LDLRAD4: variants seen among roughly 807,000 people sequenced by gnomAD.
The protein encoded by LDLRAD4 is low-density lipoprotein receptor class A domain-containing protein 4.
LDLRAD4 carries 5 observed loss-of-function variants against 17.0 expected under a neutral mutation model. The ratio of observed to expected loss-of-function variants is 0.29; its 90% CI spans 0.15 to 0.62. The LOEUF (loss-of-function observed/expected upper bound fraction) is 0.62. Among genes scored for constraint, LDLRAD4 ranks in the 20% least tolerant of loss-of-function variants. The probability of loss-of-function intolerance (pLI) is 0.84; values close to 1 mark genes in which losing one functional copy is unlikely to be tolerated. For synonymous variants in LDLRAD4, 168 were observed against 171.8 expected (o/e 0.98, Z 0.17); for missense variants, 340 against 424.7 (o/e 0.80, Z 1.75).
chr18:13,315,782 C>CAAA (rs2080898052), intron 1 of LDLRAD4, among the ~76,000 whole-genome samples: 6 of 103,334 alleles, frequency 5.8e-5, no homozygotes, highest in African/African-American at 2.8e-4. Context: ...GAAACTCCGT[C>CAAA]TAAAAAAAAA....
intron 3 of LDLRAD4, among the ~76,000 whole-genome samples, chr18:13,532,848 G>A (rs956341360): frequency 5.3e-5 from 8 of 152,278 alleles, no homozygotes; most frequent in Middle Eastern, 3.4e-3. Flanking sequence ...CTGGCCCTGC[G>A]CCTTCCGTCC....
intron 3 of LDLRAD4, among the ~76,000 whole-genome samples, chr18:13,531,733 C>A (rs8095531): frequency 1.3e-5 from 2 of 151,820 alleles, no homozygotes; most frequent in Non-Finnish European, 2.9e-5. Flanking sequence ...CCTGATGGGC[C>A]TCCTTTAGTA....
At chr18:13,452,977 G>C (rs2091923987) in intron 3 of LDLRAD4, among the ~76,000 whole-genome samples, 1 of 150,528 alleles carries the variant, frequency 6.6e-6, no homozygotes, top group Non-Finnish European at 1.5e-5. Flanking sequence ...TGCTTTCCAA[G>C]TGCAAATGAC....
At chr18:13,387,673 C>G in exon 2 of LDLRAD4, 1 of 1,593,254 alleles carries the variant, frequency 6.3e-7, no homozygotes, top group Admixed American at 1.7e-5. Flanking sequence ...CGGCGGCTTC[C>G]TCGACGGGAC....
intron 1 of LDLRAD4, among the ~76,000 whole-genome samples, chr18:13,272,897 G>T (rs955774661): frequency 2.0e-5 from 3 of 152,184 alleles, no homozygotes; most frequent in Non-Finnish European, 4.4e-5. Flanking sequence ...TAGGAAAGAC[G>T]CACCTATGGT....
intron 2 of LDLRAD4, among the ~76,000 whole-genome samples, chr18:13,405,230 A>C (rs953853085): frequency 6.6e-6 from 1 of 152,092 alleles, no homozygotes; most frequent in Admixed American, 6.6e-5. Context: ...TTTAGTCTCC[A>C]CAGTGACTTC....
chr18:13,523,284 G>A (rs2093980805), intron 3 of LDLRAD4, among the ~76,000 whole-genome samples: 1 of 152,210 alleles, frequency 6.6e-6, no homozygotes, highest in Admixed American at 6.5e-5. Flanking sequence ...AGATTGTCCT[G>A]GGTGGGCCTG....
In LDLRAD4 at chr18:13,292,302, G is replaced by T. The variant is rs1232627980; in HGVS notation, c.-383+14114G>T. Among the ~76,000 whole-genome samples the T allele has an allele frequency of 2.0e-5, 3 of 152,180 alleles. No individual in the cohort carries two copies. The East Asian group carries it at 5.8e-4, about 29-fold the overall frequency. The stretch of plus-strand genomic sequence containing the variant: ...GGGTGGGCTGCTGGCACAATGCCTG[G>T]GCGTGCCCTGGGCATATTTGTGGCC... On this transcript the variant is annotated intron_variant, in intron 1 of 5. Coordinates refer to ENST00000359446, the Ensembl canonical transcript of LDLRAD4.
chr18:13,629,730 T>A (rs1054319868), intron 4 of LDLRAD4, among the ~76,000 whole-genome samples: 2 of 152,072 alleles, frequency 1.3e-5, no homozygotes, highest in Non-Finnish European at 2.9e-5. Flanking sequence ...GTAAAATCTG[T>A]TGGTTTATTT....
intron 3 of LDLRAD4, chr18:13,488,623 T>C (rs2093289052): frequency 6.6e-6 from 1 of 152,248 alleles, no homozygotes. Context: ...AACAGACTAG[T>C]TCTTGTTTCC....
intron 1 of LDLRAD4, among the ~76,000 whole-genome samples, chr18:13,224,986 C>T (rs533808707): frequency 6.6e-6 from 1 of 151,994 alleles, no homozygotes; most frequent in East Asian, 1.9e-4. Flanking sequence ...CAGGCATGCA[C>T]CACTACACCT....
chr18:13,448,888 G>A (rs1217205495), intron 3 of LDLRAD4, among the ~76,000 whole-genome samples: 1 of 152,172 alleles, frequency 6.6e-6, no homozygotes, highest in Non-Finnish European at 1.5e-5. Context: ...GTGACCCTCC[G>A]AGGGCTGGAC....
chr18:13,535,721 T>A (rs1211083568), intron 3 of LDLRAD4, among the ~76,000 whole-genome samples: 1 of 152,218 alleles, frequency 6.6e-6, no homozygotes, highest in East Asian at 1.9e-4. Context: ...GTTTAAGAAA[T>A]CTTTGCCCAA....
At chr18:13,494,864 C>G (rs1488305160) in intron 3 of LDLRAD4, among the ~76,000 whole-genome samples, 1 of 146,516 alleles carries the variant, frequency 6.8e-6, no homozygotes, top group African/African-American at 2.5e-5. Flanking sequence ...ACCCTCTCTT[C>G]CTATATGTGT....
chr18:13,410,513 G>A (rs1264442420), intron 2 of LDLRAD4, among the ~76,000 whole-genome samples: 1 of 152,094 alleles, frequency 6.6e-6, no homozygotes, highest in Non-Finnish European at 1.5e-5. Flanking sequence ...AACCTTTATG[G>A]GTATGTATAC....
At chr18:13,569,068 GA>G (rs945810884) in intron 3 of LDLRAD4, among the ~76,000 whole-genome samples, 43 of 148,608 alleles carry the variant, frequency 2.9e-4, no homozygotes, top group East Asian at 1.8e-3. Flanking sequence ...TACATCATTT[GA>G]AAAAAAAAAT....
At chr18:13,371,029 C>T (rs2084463896) in intron 1 of LDLRAD4, among the ~76,000 whole-genome samples, 2 of 152,166 alleles carry the variant, frequency 1.3e-5, no homozygotes, top group African/African-American at 4.8e-5. Context: ...TTCTCAATTC[C>T]TACCTTTTCT....
chr18:13,420,075 G>GTTCT (rs2089305653), intron 2 of LDLRAD4: 1 of 152,114 alleles, frequency 6.6e-6, no homozygotes, highest in Non-Finnish European at 1.5e-5. Context: ...TTTTTAAAAG[G>GTTCT]GGGGTTCTCA....
intron 4 of LDLRAD4, among the ~76,000 whole-genome samples, chr18:13,635,575 T>C (rs974842328): frequency 2.6e-5 from 4 of 152,280 alleles, no homozygotes; most frequent in African/African-American, 9.6e-5. Flanking sequence ...AATGTTTTGG[T>C]GTCAAGCAGA....
Sources: allele counts gnomAD v4.1 joint callset (sites outside exome capture counted in the v4.1 genomes callset), GRCh38; gene constraint gnomAD v4.1.1; transcripts MANE v1.5; gene names NCBI Gene and HGNC (gene_info 2026-07-23, HGNC 2026-07-21).